The following STAM2 variants were observed in gnomAD, a reference collection of about 807,000 sequenced individuals.
STAM2 encodes the protein signal transducing adapter molecule 2.
In STAM2, 51 loss-of-function variants were observed where a neutral mutation model predicts 65.6. The observed-to-expected ratio is 0.78, with a 90% confidence interval of 0.62 to 0.98. STAM2 has a LOEUF of 0.98. Ranked by LOEUF, STAM2 falls within the 50% of genes least tolerant of loss-of-function variation. The pLI is 0.00. For missense variants in STAM2, 584 were observed against 617.8 expected, an observed-to-expected ratio of 0.95 and a Z score of 0.58; for synonymous variants, 198 against 208.4, an observed-to-expected ratio of 0.95 and a Z score of 0.43.
rs1427440920 is a variant in STAM2 at position 152,143,684 on chromosome 2, G to A, written c.704+143C>T. 3 of 528,304 alleles carry A rather than the reference G, an allele frequency of 5.7e-6. No homozygotes were observed. The African/African-American group carries it at 5.9e-5, about 10-fold the overall frequency. The allele number at this position is 528,304 out of a possible 1,614,324, so 32.7% of individuals were successfully genotyped here. On this transcript the variant is annotated intron_variant, in intron 7 of 13. Coordinates refer to ENST00000263904, the MANE Select transcript of STAM2 (RefSeq NM_005843.6). Reference sequence around the variant, plus strand: ...TAACGAGAAGAGGCTCACATTACATGCCTAACTTTTATTTTAGAAAAAACA... The same window carrying A: ...TAACGAGAAGAGGCTCACATTACATACCTAACTTTTATTTTAGAAAAAACA...
In STAM2 at chr2:152,118,871, A is replaced by C. The variant is rs1688800229; in HGVS notation, c.*1703T>G. On this transcript the variant is annotated 3_prime_UTR_variant, in exon 14 of 14. Transcript: ENST00000263904. The stretch of plus-strand genomic sequence containing the variant: ...TAAAACTTTCTGTTCAGTTATTTGT[A>C]TCTGAAGTTAAGACAATGACATAAA... 6.6e-6 allele frequency: 1 copy of C among 152,172 alleles called. No individual in the cohort carries two copies. Among genetic ancestry groups the C allele is most frequent in the African/African-American group, 2.4e-5 (1 of 41,460 alleles). The allele number at this position is 152,172 out of a possible 1,614,324, so 9.4% of individuals were successfully genotyped here. A position where few individuals can be genotyped will look rare whatever the true frequency, so the allele number is the denominator to read the frequency against.
chr2:152,122,074 ATATGTGTGTGTGTG>A (rs1688865665), intron 13 of STAM2, among the ~76,000 whole-genome samples: 1 of 135,556 alleles, frequency 7.4e-6, no homozygotes, highest in African/African-American at 2.8e-5. Context: ...ATATATATAT[ATATGTGTGTGTGTG>A]TGTGTGTGTG....
chr2:152,151,520 C>T (rs932757013), intron 1 of STAM2, among the ~76,000 whole-genome samples: 5 of 152,194 alleles, frequency 3.3e-5, no homozygotes, highest in Non-Finnish European at 2.9e-5. Context: ...CGCTATAATT[C>T]ATGTATCAAT....
At chr2:152,160,168 G>A (rs919770076) in intron 1 of STAM2, among the ~76,000 whole-genome samples, 10 of 152,128 alleles carry the variant, frequency 6.6e-5, no homozygotes, top group Non-Finnish European at 1.5e-5. Context: ...GGGAAGTGAG[G>A]AGCGTCTCTG....
chr2:152,163,874 A>G (rs1689730067), intron 1 of STAM2, among the ~76,000 whole-genome samples: 1 of 152,100 alleles, frequency 6.6e-6, no homozygotes, highest in Admixed American at 6.6e-5. Flanking sequence ...AGCCTGGTAA[A>G]TTTTGGTCAG....
Position 152,159,094 on chromosome 2 carries a change from C to CATATATATATAT in STAM2, c.41-8877_41-8866dup, listed in dbSNP as rs10524193. Among the ~76,000 whole-genome samples, 103 of 103,012 alleles carry CATATATATATAT rather than the reference C, an allele frequency of 1.0e-3. 8 individuals carry two copies. Among genetic ancestry groups the CATATATATATAT allele is most frequent in the African/African-American group, 3.4e-3 (75 of 22,222 alleles). 67.6% of individuals were successfully genotyped at this position (103,012 alleles called of 152,430 possible). A position where few individuals can be genotyped will look rare whatever the true frequency, so the allele number is the denominator to read the frequency against. On this transcript the variant is annotated intron_variant, in intron 1 of 13. Coordinates refer to ENST00000263904, the MANE Select transcript of STAM2 (RefSeq NM_005843.6). Reference sequence around the variant, plus strand: ...CAAGAAAAGCTAGCCAAAAAAAAACCATATATATATATATATACACACACA... The same window carrying CATATATATATAT: ...CAAGAAAAGCTAGCCAAAAAAAAACCATATATATATATATATATATATATATATACACACACA...
At chr2:152,130,925 G>C (rs1241126920) in intron 11 of STAM2, among the ~76,000 whole-genome samples, 1 of 150,086 alleles carries the variant, frequency 6.7e-6, no homozygotes, top group African/African-American at 2.5e-5. Flanking sequence ...GAACCCTGGA[G>C]GTGGAGGTTG....
chr2:152,159,856 G>T (rs1169187794), intron 1 of STAM2, among the ~76,000 whole-genome samples: 1 of 152,200 alleles, frequency 6.6e-6, no homozygotes, highest in African/African-American at 2.4e-5. Flanking sequence ...AGCCTGCCCA[G>T]TGCCTGCGAT....
Position 152,133,442 on chromosome 2 carries a change from T to G in STAM2, c.842A>C (p.Glu281Ala). 1 of 1,612,960 alleles carries G rather than the reference T, an allele frequency of 6.2e-7. No homozygotes were observed. Reference sequence around the variant, plus strand: ...AGGCTCAGGCTCTGATTTCTTAATTTCCTCCACATCATCATCAATTACATT... The same window carrying G: ...AGGCTCAGGCTCTGATTTCTTAATTGCCTCCACATCATCATCAATTACATT... ...KLNVIDDDVEEIKKSEPEPVY... is the reference protein window; with the variant it reads ...KLNVIDDDVEAIKKSEPEPVY... The change falls in exon 9 of 14, where the codon GAA becomes GCA. Residue 281 changes from glutamate (E) to alanine (A), a missense_variant. Coordinates refer to ENST00000263904, the MANE Select transcript of STAM2 (RefSeq NM_005843.6).
chr2:152,159,094 C>CATATATATATATATATATAT lies in STAM2; in HGVS notation c.41-8866_41-8865insATATATATATATATATATAT, dbSNP rs10524193. On this transcript the variant is annotated intron_variant, in intron 1 of 13. Transcript: ENST00000263904. ...CAAGAAAAGCTAGCCAAAAAAAAACCATATATATATATATATACACACACA... is the reference window on the plus strand; with the variant it reads ...CAAGAAAAGCTAGCCAAAAAAAAACCATATATATATATATATATATATATATATATATATATACACACACA... Among the ~76,000 whole-genome samples, 125 of 102,964 alleles carry CATATATATATATATATATAT rather than the reference C, an allele frequency of 1.2e-3. 4 individuals are homozygous for CATATATATATATATATATAT. Among genetic ancestry groups the CATATATATATATATATATAT allele is most frequent in the East Asian group, 3.4e-3 (9 of 2,630 alleles). 67.5% of individuals were successfully genotyped at this position (102,964 alleles called of 152,430 possible). A position where few individuals can be genotyped will look rare whatever the true frequency, so the allele number is the denominator to read the frequency against.
intron 2 of STAM2, among the ~76,000 whole-genome samples, chr2:152,149,155 A>G (rs1318340350): frequency 6.6e-6 from 1 of 152,062 alleles, no homozygotes. Context: ...CTTTTTTGTT[A>G]TATTATCTAC....
At chr2:152,146,009 C>T (rs1410504411) in intron 5 of STAM2, among the ~76,000 whole-genome samples, 2 of 152,094 alleles carry the variant, frequency 1.3e-5, no homozygotes, top group East Asian at 3.8e-4. Flanking sequence ...GTGGCTCATG[C>T]CTGTAATCCC....
intron 11 of STAM2, among the ~76,000 whole-genome samples, chr2:152,127,704 G>C (rs1006565282): frequency 2.0e-5 from 3 of 151,904 alleles, no homozygotes; most frequent in Admixed American, 1.3e-4. Flanking sequence ...TTGATTTTGA[G>C]AAAGTAAACC....
At position 152,120,684 on chromosome 2, in the gene STAM2, A is replaced by G; in HGVS notation, c.1468T>C (p.Tyr490His). The part of the protein sequence containing the change: ...QMGMSVDMSS[Y>H]QNTTSNLPQL... ...GGCAAATTGGAAGTAGTGTTCTGAT[A>G]AGATGACATATCCACAGACATCCCC... The change falls in exon 14 of 14, where the codon TAT becomes CAT. Residue 490 changes from tyrosine to histidine, a missense_variant. By Grantham distance (83) the Tyr-to-His change is moderately conservative (BLOSUM62 2). Transcript: ENST00000263904. 1 of 1,614,184 alleles carries G rather than the reference A, an allele frequency of 6.2e-7. No individual in the cohort carries two copies. The highest frequency in any genetic ancestry group is 8.5e-7 in the Non-Finnish European group (1 of 1,180,030).
At position 152,137,512 on chromosome 2, in the gene STAM2, T is replaced by C. The variant is rs564998994; in HGVS notation, c.705-1909A>G. Among the ~76,000 whole-genome samples the C allele has an allele frequency of 9.2e-5, 14 of 152,324 alleles. No individual in the cohort carries two copies. In the South Asian group the frequency reaches 2.9e-3, roughly 32 times the overall value. On this transcript the variant is annotated intron_variant, in intron 7 of 13. Coordinates refer to ENST00000263904, the MANE Select transcript of STAM2 (RefSeq NM_005843.6). ...GATCTGTAGAAGTTCTTTACACATT[T>C]TGGACAGCAGTTGTTTGTCTGAATT... is the stretch of plus-strand genomic sequence containing the variant.
At chr2:152,144,308 T>A (rs1182876958) in intron 6 of STAM2, among the ~76,000 whole-genome samples, 1 of 152,106 alleles carries the variant, frequency 6.6e-6, no homozygotes, top group African/African-American at 2.4e-5. Context: ...GCCATGAACA[T>A]ATTTCTCTGC....
At position 152,148,310 on chromosome 2, in the gene STAM2, AAAAG is replaced by A. The variant is rs769650782; in HGVS notation, c.126-14_126-11del. 1.2e-4 allele frequency: 197 copies of A among 1,591,326 alleles called. 4 individuals carry two copies. In the South Asian group the frequency reaches 2.0e-3, roughly 16 times the overall value. On this transcript the variant is annotated splice_polypyrimidine_tract_variant and intron_variant, in intron 2 of 13. Coordinates refer to ENST00000263904, the MANE Select transcript of STAM2 (RefSeq NM_005843.6). The stretch of plus-strand genomic sequence containing the variant: ...TAGGCAATCTTTCGCTCTAAAAAAA[AAAAG>A]AGAGAGAGAGACAGTTAAGTATTTA...
intron 1 of STAM2, among the ~76,000 whole-genome samples, chr2:152,157,642 A>G (rs1165465838): frequency 6.6e-6 from 1 of 152,226 alleles, no homozygotes; most frequent in Non-Finnish European, 1.5e-5. Context: ...GAGAAAATAA[A>G]TTTCTGTTGC....
At chr2:152,134,269 T>TA (rs767841457) in intron 8 of STAM2, among the ~76,000 whole-genome samples, 2 of 152,180 alleles carry the variant, frequency 1.3e-5, no homozygotes, top group Non-Finnish European at 2.9e-5. Flanking sequence ...AACACAAGGA[T>TA]AAACTGAAAA....
Sources: allele counts gnomAD v4.1 joint callset (sites outside exome capture counted in the v4.1 genomes callset), GRCh38; gene constraint gnomAD v4.1.1; transcripts MANE v1.5; gene names NCBI Gene and HGNC (gene_info 2026-07-23, HGNC 2026-07-21).